The following CERS3 variants were observed in gnomAD, a reference collection of about 807,000 sequenced individuals.
The protein encoded by CERS3 is ceramide synthase 3, also known as LAG1 homolog, ceramide synthase 3.
In CERS3, 33 loss-of-function variants were observed where a neutral mutation model predicts 50.3. The observed-to-expected ratio is 0.66, with a 90% CI of 0.50 to 0.88. The LOEUF is 0.88. CERS3 is among the 40% of genes least tolerant of loss of function. CERS3 has a pLI of 0.00. For synonymous variants in CERS3, 176 were observed against 155.2 expected, an observed-to-expected ratio of 1.13 and a Z score of -0.99; for missense variants, 470 against 460.3, an observed-to-expected ratio of 1.02 and a Z score of -0.19.
chr15:100,402,999 G>T, intron 11 of CERS3, 134 bp from the exon 12 acceptor site: 1 of 840,812 alleles, frequency 1.2e-6, no homozygotes, highest in Non-Finnish European at 1.8e-6. Context: ...CATTCACCAA[G>T]ATTGACTATA....
intron 2 of CERS3, among the ~76,000 whole-genome samples, chr15:100,506,277 G>A (rs937568659): frequency 1.3e-5 from 2 of 152,182 alleles, no homozygotes; most frequent in African/African-American, 2.4e-5. Flanking sequence ...GTTTAAAAAT[G>A]AGCAAAGGAT....
upstream of CERS3, among the ~76,000 whole-genome samples, chr15:100,532,703 G>A (rs1321670560): frequency 6.6e-6 from 1 of 152,144 alleles, no homozygotes; most frequent in African/African-American, 2.4e-5. Context: ...AGGTTGCAGT[G>A]AGCTGTAATC....
intron 1 of CERS3, among the ~76,000 whole-genome samples, chr15:100,539,096 A>T (rs955193257): frequency 1.3e-5 from 2 of 152,236 alleles, no homozygotes; most frequent in Non-Finnish European, 2.9e-5. Flanking sequence ...AAGCATAGCA[A>T]GAGTCAACTT....
chr15:100,525,444 G>A (rs2142396689), intron 1 of CERS3, among the ~76,000 whole-genome samples: 1 of 152,244 alleles, frequency 6.6e-6, no homozygotes, highest in Non-Finnish European at 1.5e-5. Context: ...TTTGTTTCAT[G>A]GACATCCAAG....
At chr15:100,414,688 C>A (rs1486622287) in intron 11 of CERS3, among the ~76,000 whole-genome samples, 1 of 152,098 alleles carries the variant, frequency 6.6e-6, no homozygotes, top group East Asian at 1.9e-4. Flanking sequence ...AAAGGATTCC[C>A]TATTTAATAA....
intron 10 of CERS3, among the ~76,000 whole-genome samples, chr15:100,466,630 G>A (rs991626850): frequency 1.6e-4 from 23 of 146,974 alleles, no homozygotes; most frequent in Non-Finnish European, 3.2e-4. Flanking sequence ...GGAGGCCAAG[G>A]CCAACTAGAG....
chr15:100,483,787 A>ATTATTATTAT (rs760594142), intron 5 of CERS3, among the ~76,000 whole-genome samples: 7 of 100,026 alleles, frequency 7.0e-5, no homozygotes, highest in African/African-American at 2.3e-4. Flanking sequence ...TATTATTATT[A>ATTATTATTAT]TTTTTTTTTT....
intron 2 of CERS3, among the ~76,000 whole-genome samples, chr15:100,514,442 G>A (rs1217435956): frequency 6.6e-6 from 1 of 152,114 alleles, no homozygotes; most frequent in Non-Finnish European, 1.5e-5. Flanking sequence ...TTGGAAACTA[G>A]ATAATAAATT....
At chr15:100,477,351 A>G (rs572269084) in intron 7 of CERS3, among the ~76,000 whole-genome samples, 2 of 151,978 alleles carry the variant, frequency 1.3e-5, no homozygotes, top group African/African-American at 4.8e-5. Flanking sequence ...TTTTTGGTCA[A>G]CTCCTCATCC....
At chr15:100,465,965 G>A (rs542477521) in intron 10 of CERS3, among the ~76,000 whole-genome samples, 18 of 152,122 alleles carry the variant, frequency 1.2e-4, no homozygotes, top group Middle Eastern at 3.4e-3. Flanking sequence ...GGCCTGTTTC[G>A]TTTTATTTTA....
chr15:100,402,727 G>A lies in CERS3; in HGVS notation c.1138C>T (p.Gln380Ter). 3 of 1,614,128 alleles carry A rather than the reference G, an allele frequency of 1.9e-6. No homozygotes were observed. The highest frequency in any genetic ancestry group is 2.5e-6 in the Non-Finnish European group (3 of 1,180,032). Residue 380 changes from glutamine (Q) to a stop codon, truncating the protein, a stop_gained, in exon 12 of 12, where the codon CAG (glutamine) becomes TAG (stop). Coordinates refer to ENST00000679737, the MANE Select transcript of CERS3 (RefSeq NM_001378789.1). LOFTEE classifies it high-confidence loss of function. ...RAERHLIPNG[Q>*]HGH ...TAGGCTTCCAGCTAATGGCCATGCT[G>A]GCCATTGGGAATGAGGTGCCTCTCA...
At chr15:100,467,763 C>CTA (rs200506456) in intron 10 of CERS3, among the ~76,000 whole-genome samples, 6,181 of 119,576 alleles carry the variant, frequency 0.052, 355 homozygotes, top group Admixed American at 0.15. Flanking sequence ...CTCTCTCTCT[C>CTA]TCTCTCTATA....
At chr15:100,403,132 T>C (rs1003387292) in intron 11 of CERS3, among the ~76,000 whole-genome samples, 1 of 152,044 alleles carries the variant, frequency 6.6e-6, no homozygotes, top group Admixed American at 6.5e-5. Flanking sequence ...TCAAAACACT[T>C]AGAAAGTAAA....
chr15:100,419,590 C>T (rs1358067378), intron 11 of CERS3, among the ~76,000 whole-genome samples: 12 of 145,202 alleles, frequency 8.3e-5, no homozygotes, highest in African/African-American at 2.0e-4. Context: ...ACCTAATAGA[C>T]ATCTACAGAA....
chr15:100,401,389 G>A lies in CERS3; in HGVS notation c.*1324C>T, dbSNP rs80350264. On this transcript the variant is annotated 3_prime_UTR_variant, in exon 12 of 12. Coordinates refer to ENST00000679737, the MANE Select transcript of CERS3 (RefSeq NM_001378789.1). The stretch of plus-strand genomic sequence containing the variant: ...GATGTGTCCCTCTGGTGACAAGGCC[G>A]CAAGGGAGGCAGGGACGTGTGCAAG... 2,520 of 152,430 alleles carry A rather than the reference G, an allele frequency of 0.017. 32 individuals carry two copies. The highest frequency in any genetic ancestry group is 0.028 in the Admixed American group (424 of 15,294). The allele number at this position is 152,430 out of a possible 1,614,324, so 9.4% of individuals were successfully genotyped here.
intron 10 of CERS3, among the ~76,000 whole-genome samples, chr15:100,462,834 G>C (rs1051915534): frequency 4.6e-5 from 7 of 152,194 alleles, no homozygotes; most frequent in Non-Finnish European, 1.0e-4. Flanking sequence ...TCCCCACACA[G>C]TCAGGGGGAA....
chr15:100,522,783 C>G (rs2036675233), intron 1 of CERS3, among the ~76,000 whole-genome samples: 1 of 152,126 alleles, frequency 6.6e-6, no homozygotes, highest in South Asian at 2.1e-4. Context: ...TATGAACATT[C>G]TTGAACATTC....
intron 2 of CERS3, among the ~76,000 whole-genome samples, chr15:100,515,706 T>C (rs2036469898): frequency 6.6e-6 from 1 of 152,146 alleles, no homozygotes; most frequent in Admixed American, 6.5e-5. Context: ...AGGAACACTA[T>C]GAGATTGATA....
chr15:100,503,773 C>A lies in CERS3; in HGVS notation c.-1-1923G>T, dbSNP rs1312190558. The A allele has an allele frequency of 7.7e-5, 36 of 469,856 alleles. No homozygotes were observed. The Admixed American group carries it at 8.0e-4, about 10-fold the overall frequency. 29.1% of individuals were successfully genotyped at this position (469,856 alleles called of 1,614,324 possible). ...GGAGATGGAGAAACTAGAGGACAAT[C>A]AGCTCACAGCAATAGATGCAGTCAG... On this transcript the variant is annotated intron_variant, in intron 2 of 11. Transcript: ENST00000679737.
Sources: gnomAD v4.1 joint callset for allele counts (sites outside exome capture counted in the v4.1 genomes callset) on GRCh38, gnomAD v4.1.1 for gene constraint, MANE v1.5 for transcripts, NCBI Gene and HGNC (gene_info 2026-07-23, HGNC 2026-07-21) for gene names.